Variants in CCDC73 observed in about 807,000 individuals in gnomAD.
The protein encoded by CCDC73 is coiled-coil domain-containing protein 73.
Under a neutral mutation model 116.5 loss-of-function variants are expected in CCDC73, and 95 were observed. The ratio of observed to expected loss-of-function variants is 0.82; its 90% confidence interval spans 0.69 to 0.97. CCDC73 has a LOEUF of 0.97. CCDC73 is among the 50% of genes least tolerant of loss of function. CCDC73 has a pLI of 0.00. For missense variants in CCDC73, 1,066 were observed against 1,206.8 expected, an observed-to-expected ratio of 0.88 and a Z score of 1.73; for synonymous variants, 398 against 401.3, an observed-to-expected ratio of 0.99 and a Z score of 0.10.
intron 2 of CCDC73, among the ~76,000 whole-genome samples, chr11:32,728,239 A>G (rs1850045899): frequency 6.6e-6 from 1 of 152,194 alleles, no homozygotes; most frequent in South Asian, 2.1e-4. Flanking sequence ...TAACAGAGCA[A>G]GACCTTGTCT....
At chr11:32,655,030 T>C (rs1334705882) in intron 9 of CCDC73, 58 bp from the exon 10 acceptor site, 1 of 1,446,972 alleles carries the variant, frequency 6.9e-7, no homozygotes, top group South Asian at 1.3e-5. Context: ...TAAAACAAGG[T>C]ACTTTCCTGA....
chr11:32,808,648 A>G, the CCDC73 span, among the ~76,000 whole-genome samples: 20 of 152,144 alleles, frequency 1.3e-4, no homozygotes, highest in African/African-American at 4.8e-4. Context: ...CAAAGAAAAA[A>G]AAAAAGGCCA....
chr11:32,628,536 A>G (rs753743406), intron 14 of CCDC73, among the ~76,000 whole-genome samples: 2 of 152,224 alleles, frequency 1.3e-5, no homozygotes, highest in Non-Finnish European at 2.9e-5. Flanking sequence ...TCTGAGTTCC[A>G]ACAAGCCAGA....
chr11:32,827,617 A>G, the CCDC73 span, among the ~76,000 whole-genome samples: 2 of 152,238 alleles, frequency 1.3e-5, no homozygotes, highest in African/African-American at 4.8e-5. Flanking sequence ...GTAGTGGGAA[A>G]TGAAGCACTT....
At chr11:32,654,331 G>C (rs140744775) in intron 10 of CCDC73, among the ~76,000 whole-genome samples, 105 of 152,146 alleles carry the variant, frequency 6.9e-4, no homozygotes, top group African/African-American at 2.3e-3. Context: ...CCACCATTAC[G>C]CACAGCTAAT....
chr11:32,737,997 C>T (rs554256986), intron 2 of CCDC73, among the ~76,000 whole-genome samples: 1 of 152,262 alleles, frequency 6.6e-6, no homozygotes, highest in South Asian at 2.1e-4. Context: ...ACCTCCAGTT[C>T]CATCCGTGTT....
chr11:32,714,621 G>C (rs1042481166), intron 3 of CCDC73, among the ~76,000 whole-genome samples: 16 of 152,030 alleles, frequency 1.1e-4, no homozygotes, highest in Non-Finnish European at 4.4e-5. Context: ...ACAGACACTA[G>C]GTTTCACTAA....
chr11:32,656,208 G>T (rs899642707), intron 9 of CCDC73, among the ~76,000 whole-genome samples: 1 of 151,856 alleles, frequency 6.6e-6, no homozygotes, highest in Non-Finnish European at 1.5e-5. Context: ...CTCCCGAGCA[G>T]CTGGGACTAC....
chr11:32,738,817 A>G (rs1565089428), intron 2 of CCDC73, among the ~76,000 whole-genome samples: 1 of 152,000 alleles, frequency 6.6e-6, no homozygotes, highest in African/African-American at 2.4e-5. Flanking sequence ...TTCTTTTAGT[A>G]ATTTCATGGC....
rs1255381394 is a variant in CCDC73 at position 32,702,951 on chromosome 11, T to C, written c.208-7A>G. The C allele has an allele frequency of 1.2e-6, 2 of 1,601,124 alleles. No individual in the cohort carries two copies. The highest frequency in any genetic ancestry group is 2.2e-5 in the East Asian group (1 of 44,808). ...TTTGATTCTGAAGAGTTTCCTGTTT[T>C]AAAAATTATGACAAGTTAAAACACA... On this transcript the variant is annotated splice_polypyrimidine_tract_variant and splice_region_variant and intron_variant, in intron 3 of 17. Transcript: ENST00000335185.
rs540193464 is a variant in CCDC73, at chr11:32,763,461, C to T, written c.-15-3203G>A. 9.4e-4 allele frequency among the ~76,000 whole-genome samples: 143 copies of T among 152,348 alleles called. 5 individuals are homozygous for T. The South Asian group carries it at 0.026, about 28-fold the overall frequency. The stretch of plus-strand genomic sequence containing the variant: ...GCAATATTCGCTGTTCTGCAGCCTC[C>T]GCTGCTGATACCCAGGCAAACAGGG... On this transcript the variant is annotated intron_variant, in intron 1 of 17. Transcript: ENST00000335185.
intron 5 of CCDC73, among the ~76,000 whole-genome samples, chr11:32,700,525 C>T (rs545200992): frequency 6.6e-6 from 1 of 152,282 alleles, no homozygotes; most frequent in Admixed American, 6.5e-5. Flanking sequence ...CCAATTTTGC[C>T]ACTTCAAAGT....
At chr11:32,698,876 T>A (rs910399572) in intron 6 of CCDC73, among the ~76,000 whole-genome samples, 29 of 152,300 alleles carry the variant, frequency 1.9e-4, no homozygotes, top group African/African-American at 6.5e-4. Flanking sequence ...GTTTTTGTAT[T>A]TGCAGAAAAT....
intron 13 of CCDC73, among the ~76,000 whole-genome samples, chr11:32,637,986 C>G (rs561679933): frequency 6.6e-6 from 1 of 152,242 alleles, no homozygotes; most frequent in South Asian, 2.1e-4. Flanking sequence ...TCTGCTTCTC[C>G]TTTCACATTC....
At chr11:32,775,609 G>T (rs1850526890) in intron 1 of CCDC73, among the ~76,000 whole-genome samples, 1 of 152,032 alleles carries the variant, frequency 6.6e-6, no homozygotes, top group South Asian at 2.1e-4. Context: ...CATAATACAT[G>T]AGATTAAATA....
chr11:32,619,691 T>C (rs1855505526), intron 14 of CCDC73, among the ~76,000 whole-genome samples: 1 of 143,846 alleles, frequency 7.0e-6, no homozygotes, highest in Non-Finnish European at 1.5e-5. Context: ...GGAGAAGGAA[T>C]AAGAAAGGAG....
At chr11:32,776,970 CACATATATATATACACATGTATATATAT>C (rs1850539642) in intron 1 of CCDC73, among the ~76,000 whole-genome samples, 1 of 120,308 alleles carries the variant, frequency 8.3e-6, no homozygotes, top group East Asian at 2.2e-4. Flanking sequence ...TACACACACA[CACATATATATATACACATGTATATATAT>C]ATATATATAT....
intron 7 of CCDC73, chr11:32,682,115 T>G (rs1011890587): frequency 2.0e-5 from 3 of 151,000 alleles, no homozygotes; most frequent in Non-Finnish European, 3.0e-5. Context: ...TGTTTCCATG[T>G]TTTTTTTTAA....
chr11:32,773,446 C>G (rs1850507546), intron 1 of CCDC73, among the ~76,000 whole-genome samples: 1 of 151,968 alleles, frequency 6.6e-6, no homozygotes, highest in African/African-American at 2.4e-5. Flanking sequence ...AACTACATCT[C>G]AATGAAAAAG....
Sources: gnomAD v4.1 joint callset for allele counts (sites outside exome capture counted in the v4.1 genomes callset) on GRCh38, gnomAD v4.1.1 for gene constraint, MANE v1.5 for transcripts, NCBI Gene and HGNC (gene_info 2026-07-23, HGNC 2026-07-21) for gene names.